The following ZNF469 variants were observed in gnomAD, a reference collection of about 807,000 sequenced individuals.
ZNF469 encodes zinc finger protein 469.
A neutral mutation model predicts 1.0 loss-of-function variants in ZNF469; 1 was observed. That is an observed-to-expected ratio of 1.00 (90% confidence interval 0.35 to 4.73). The LOEUF (loss-of-function observed/expected upper bound fraction) is 4.73. Among genes scored for constraint, ZNF469 ranks in the 30% most tolerant of loss-of-function variants. The pLI is 0.16. For missense variants in ZNF469, 6,100 were observed against 5,356.3 expected (o/e 1.14, Z -4.33); for synonymous variants, 2,703 against 2,363.4 (o/e 1.14, Z -4.17).
chr16:88,288,839 G>C, the ZNF469 span, among the ~76,000 whole-genome samples: 6 of 127,944 alleles, frequency 4.7e-5, no homozygotes, highest in South Asian at 1.4e-3. Context: ...CCTGTGACCA[G>C]AGTTTCACAG....
At chr16:88,318,479 G>T in the ZNF469 span, among the ~76,000 whole-genome samples, 2 of 152,362 alleles carry the variant, frequency 1.3e-5, no homozygotes, top group East Asian at 3.9e-4. Context: ...TGCCCCAGCT[G>T]CATCTCAGGA....
chr16:88,335,099 A>G, the ZNF469 span, among the ~76,000 whole-genome samples: 1 of 152,236 alleles, frequency 6.6e-6, no homozygotes, highest in Non-Finnish European at 1.5e-5. Flanking sequence ...GAGGGAGCAC[A>G]GCCCTGCGCA....
the ZNF469 span, among the ~76,000 whole-genome samples, chr16:88,121,051 A>G: frequency 7.5e-6 from 1 of 132,544 alleles, no homozygotes; most frequent in Non-Finnish European, 1.6e-5. Flanking sequence ...TACTGTGCAC[A>G]GTGGGGTGGG....
At chr16:88,314,604 G>A in the ZNF469 span, among the ~76,000 whole-genome samples, 6 of 151,844 alleles carry the variant, frequency 4.0e-5, no homozygotes, top group Non-Finnish European at 7.4e-5. Flanking sequence ...TGTCATCTCT[G>A]TGATTCAGTC....
intron 1 of ZNF469, among the ~76,000 whole-genome samples, chr16:88,411,925 G>A (rs1025110002): frequency 1.8e-3 from 3 of 1,668 alleles, no homozygotes; most frequent in African/African-American, 0.011. Flanking sequence ...TGCCTTCCCA[G>A]AAGAGACGAA....
At chr16:88,241,901 G>A in the ZNF469 span, among the ~76,000 whole-genome samples, 20,982 of 152,190 alleles carry the variant, frequency 0.14, 1,730 homozygotes, top group East Asian at 0.37. The surrounding 1 kb of genome is among the most constrained non-coding windows in gnomAD (Gnocchi z 4.8). Context: ...GGCTCCTCCC[G>A]GAGTTCTGGG....
chr16:88,316,101 G>A, the ZNF469 span, among the ~76,000 whole-genome samples: 10 of 152,330 alleles, frequency 6.6e-5, no homozygotes, highest in South Asian at 8.3e-4. Flanking sequence ...GAGCAGGGCC[G>A]GCCGCCCCTC....
rs1462150591 is a variant in ZNF469, at chr16:88,429,200, G to A, written c.1730G>A (p.Ser577Asn). Residue 577 changes from serine to asparagine, a missense_variant, in exon 3 of 3, where the codon AGC becomes AAC. Physicochemically the swap from Ser to Asn is conservative, Grantham distance 46. Coordinates refer to ENST00000565624, the MANE Select transcript of ZNF469 (RefSeq NM_001367624.2). ...QPQVSPHGTPSLPPPRVVGAS... is the reference protein window; with the variant it reads ...QPQVSPHGTPNLPPPRVVGAS... ...CAGGTTTCACCCCACGGGACACCCA[G>A]CCTGCCCCCACCGAGGGTAGTGGGA... 1.9e-6 allele frequency: 3 copies of A among 1,549,716 alleles called. No individual in the cohort carries two copies. Among genetic ancestry groups the A allele is most frequent in the South Asian group, 1.2e-5 (1 of 84,058 alleles).
chr16:88,428,912 C>T lies in ZNF469; in HGVS notation c.1442C>T (p.Pro481Leu), dbSNP rs1420570127. 6.5e-7 allele frequency: 1 copy of T among 1,546,734 alleles called. No individual in the cohort carries two copies. Among genetic ancestry groups the T allele is most frequent in the Non-Finnish European group, 8.7e-7 (1 of 1,145,622 alleles). ...GQRLCLPQSAPLPWPQVLPTA... is the reference protein window; with the variant it reads ...GQRLCLPQSALLPWPQVLPTA... ...CGGCTCTGCCTCCCCCAGAGTGCCC[C>T]CCTGCCTTGGCCCCAAGTGCTCCCG... Residue 481 changes from proline (P) to leucine (L), a missense_variant, in exon 3 of 3, where the codon CCC (proline) becomes CTC (leucine). Pro to Leu is a moderately conservative substitution (Grantham distance 98, BLOSUM62 -3). Coordinates refer to ENST00000565624, the MANE Select transcript of ZNF469 (RefSeq NM_001367624.2).
the ZNF469 span, among the ~76,000 whole-genome samples, chr16:88,302,060 C>T: frequency 2.6e-5 from 4 of 152,200 alleles, no homozygotes; most frequent in East Asian, 1.9e-4. Context: ...ACGGGCAGTT[C>T]GTTGCCAGGC....
chr16:88,314,559 G>A, the ZNF469 span, among the ~76,000 whole-genome samples: 79 of 141,092 alleles, frequency 5.6e-4, no homozygotes, highest in Middle Eastern at 4.1e-3. Context: ...GGTGTGGACT[G>A]TCATCTCTGT....
the ZNF469 span, among the ~76,000 whole-genome samples, chr16:88,148,397 G>C: frequency 5.9e-5 from 9 of 152,300 alleles, no homozygotes; most frequent in South Asian, 1.7e-3. Flanking sequence ...GGCCCAAGGA[G>C]AGCGGAGTTG....
Position 88,429,123 on chromosome 16 carries a change from C to T in ZNF469, c.1653C>T (p.Asn551=), listed in dbSNP as rs894876463. ...GCTCCCCAGCACTGTTCACCTACAA[C>T]GGAATGACAGACCCTGGGGCTCAGC... ...QGGSPALFTY[N]GMTDPGAQPL... The change falls in exon 3 of 3, where the codon AAC becomes AAT. Residue 551 remains asparagine (N), a synonymous_variant. Coordinates refer to ENST00000565624, the MANE Select transcript of ZNF469 (RefSeq NM_001367624.2). 1.6e-5 allele frequency: 25 copies of T among 1,549,870 alleles called. No individual in the cohort carries two copies. Among genetic ancestry groups the T allele is most frequent in the African/African-American group, 6.8e-5 (5 of 73,022 alleles).
At chr16:88,184,066 C>A in the ZNF469 span, among the ~76,000 whole-genome samples, 1 of 151,898 alleles carries the variant, frequency 6.6e-6, no homozygotes, top group African/African-American at 2.4e-5. Flanking sequence ...GAAGTGGAAG[C>A]TTGAAGTGGG....
chr16:88,185,300 C>T, the ZNF469 span, among the ~76,000 whole-genome samples: 1 of 152,130 alleles, frequency 6.6e-6, no homozygotes, highest in Admixed American at 6.5e-5. Flanking sequence ...CAGGCACACT[C>T]AAACTCTCAC....
chr16:88,256,157 A>G, the ZNF469 span, among the ~76,000 whole-genome samples: 1 of 152,202 alleles, frequency 6.6e-6, no homozygotes, highest in Non-Finnish European at 1.5e-5. Context: ...CCATTATGGT[A>G]TCATACAAAG....
At chr16:88,225,749 C>A in the ZNF469 span, among the ~76,000 whole-genome samples, 1 of 152,188 alleles carries the variant, frequency 6.6e-6, no homozygotes, top group Non-Finnish European at 1.5e-5. Context: ...ACACAGGAAA[C>A]ACTGCCTATG....
chr16:88,295,423 G>A, the ZNF469 span, among the ~76,000 whole-genome samples: 6 of 140,338 alleles, frequency 4.3e-5, no homozygotes, highest in Admixed American at 7.1e-5. Context: ...TGGGGAGGAC[G>A]TCATCTCGGG....
At chr16:88,319,585 G>A in the ZNF469 span, among the ~76,000 whole-genome samples, 167 of 152,254 alleles carry the variant, frequency 1.1e-3, no homozygotes, top group Middle Eastern at 0.01. Context: ...TCCCCAGGCT[G>A]CCCTCCTAGG....
Sources: allele counts gnomAD v4.1 joint callset (sites outside exome capture counted in the v4.1 genomes callset), GRCh38; gene constraint gnomAD v4.1.1; non-coding constraint Gnocchi (gnomAD v3.1); transcripts MANE v1.5; gene names NCBI Gene and HGNC (gene_info 2026-07-23, HGNC 2026-07-21).